The following LASP1 variants were observed in gnomAD, a reference collection of about 807,000 sequenced individuals.
LASP1 encodes LIM and SH3 protein 1.
Under a neutral mutation model 38.6 loss-of-function variants are expected in LASP1, and 10 were observed. The observed-to-expected ratio is 0.26, with a 90% CI of 0.16 to 0.44. The LOEUF (loss-of-function observed/expected upper bound fraction) is 0.44, where lower values mean the gene tolerates loss of function less well. Ranked by LOEUF, LASP1 falls within the 20% of genes least tolerant of loss-of-function variation. The pLI is 1.00. For synonymous variants in LASP1, 132 were observed against 140.8 expected, an observed-to-expected ratio of 0.94 and a Z score of 0.44; for missense variants, 243 against 375.7, an observed-to-expected ratio of 0.65 and a Z score of 2.92.
chr17:38,878,965 C>T (rs545314780), intron 2 of LASP1, among the ~76,000 whole-genome samples: 1 of 151,314 alleles, frequency 6.6e-6, no homozygotes, highest in East Asian at 2.0e-4. Flanking sequence ...TACCTCCCCT[C>T]CCATCCCATC....
At chr17:38,876,343 C>CTATTTATTTATT (rs374232262) in intron 1 of LASP1, among the ~76,000 whole-genome samples, 3 of 148,494 alleles carry the variant, frequency 2.0e-5, no homozygotes, top group African/African-American at 7.6e-5. Flanking sequence ...CATACCCGGC[C>CTATTTATTTATT]TATTTATTTA....
chr17:38,872,359 G>T (rs749424839), intron 1 of LASP1, among the ~76,000 whole-genome samples: 16 of 152,166 alleles, frequency 1.1e-4, no homozygotes, highest in Non-Finnish European at 2.1e-4. Flanking sequence ...GATGGGCAGG[G>T]TGCCCTCCCC....
chr17:38,879,317 A>C (rs1913873414), intron 2 of LASP1, among the ~76,000 whole-genome samples: 1 of 151,432 alleles, frequency 6.6e-6, no homozygotes, highest in South Asian at 2.1e-4. Context: ...TACCATGCCC[A>C]GCTAATTTTT....
chr17:38,908,223 C>A (rs1914826204), intron 4 of LASP1, among the ~76,000 whole-genome samples: 1 of 152,260 alleles, frequency 6.6e-6, no homozygotes, highest in African/African-American at 2.4e-5. Context: ...CCTGTCCATT[C>A]CGTGTCTGCA....
intron 4 of LASP1, chr17:38,903,562 G>C (rs933260028): frequency 1.3e-5 from 2 of 151,926 alleles, no homozygotes; most frequent in African/African-American, 4.8e-5. Flanking sequence ...GTCTTGCTAT[G>C]CTGCCCAGGC....
At chr17:38,889,676 C>T (rs1914249186) in intron 2 of LASP1, among the ~76,000 whole-genome samples, 1 of 152,182 alleles carries the variant, frequency 6.6e-6, no homozygotes, top group Admixed American at 6.5e-5. Flanking sequence ...ATGGTCCCAT[C>T]CCCAAGATGT....
chr17:38,914,399 G>A lies in LASP1; in HGVS notation c.432G>A (p.Arg144=). ...SGGEGMEPER[R]DSQDGSSYRR... is the part of the protein sequence containing the mutation. ...GCGAGGGCATGGAGCCAGAGCGTCG[G>A]GATTCACAGGACGGCAGCAGCTACC... Residue 144 remains arginine (R), a synonymous_variant, in exon 5 of 7, where the codon CGG becomes CGA. Transcript: ENST00000318008. The A allele has an allele frequency of 6.2e-7, 1 of 1,612,076 alleles. No individual in the cohort carries two copies. Among genetic ancestry groups the A allele is most frequent in the South Asian group, 1.1e-5 (1 of 90,994 alleles).
At chr17:38,914,857 T>A (rs1915068332) in intron 5 of LASP1, 186 bp from the exon 6 acceptor site, 1 of 621,124 alleles carries the variant, frequency 1.6e-6, no homozygotes, top group Admixed American at 2.9e-5. Context: ...GTCATGGGGC[T>A]CAGAGCCCCT....
rs375472294 is a variant in LASP1, at chr17:38,903,886, G to C, written c.357+5367G>C. The C allele has an allele frequency of 2.9e-4, 44 of 152,342 alleles. No homozygotes were observed. In the East Asian group the frequency reaches 8.3e-3, roughly 29 times the overall value. 9.4% of individuals were successfully genotyped at this position (152,342 alleles called of 1,614,324 possible). On this transcript the variant is annotated intron_variant, in intron 4 of 6. Transcript: ENST00000318008. ...TGTGTCATCATTAAAGGCATTTGAA[G>C]AGTTGCCTTTTGATGGGTCCATGCT... is the stretch of plus-strand genomic sequence containing the variant.
chr17:38,918,499 C>A lies in LASP1; in HGVS notation c.613-106C>A. ...GCCTGGTGCTCCATTTCTGAGTTCACTGCTCCCCCAGGCTCTGCTCCAGGG... is the reference window on the plus strand; with the variant it reads ...GCCTGGTGCTCCATTTCTGAGTTCAATGCTCCCCCAGGCTCTGCTCCAGGG... On this transcript the variant is annotated intron_variant, in intron 6 of 6. Transcript: ENST00000318008. This position sits in a 1 kb window ranked among gnomAD's most constrained non-coding sequence, Gnocchi z 4.4. 1 of 1,132,972 alleles carries A rather than the reference C, an allele frequency of 8.8e-7. No individual in the cohort carries two copies. Among genetic ancestry groups the A allele is most frequent in the Non-Finnish European group, 1.3e-6 (1 of 796,212 alleles). The allele number at this position is 1,132,972 out of a possible 1,614,324, so 70.2% of individuals were successfully genotyped here. A position where few individuals can be genotyped will look rare whatever the true frequency, so the allele number is the denominator to read the frequency against.
intron 4 of LASP1, among the ~76,000 whole-genome samples, chr17:38,908,697 T>G (rs1030887846): frequency 3.3e-5 from 5 of 152,198 alleles, no homozygotes; most frequent in Non-Finnish European, 7.4e-5. Flanking sequence ...CCCCCCAGAC[T>G]CTGTCCAGGC....
chr17:38,875,906 C>T (rs1913756273), intron 1 of LASP1, among the ~76,000 whole-genome samples: 1 of 152,210 alleles, frequency 6.6e-6, no homozygotes, highest in Admixed American at 6.5e-5. Context: ...CTGGGCCTGC[C>T]TCCTGGCCTC....
At chr17:38,907,987 A>G (rs969131902) in intron 4 of LASP1, among the ~76,000 whole-genome samples, 3 of 152,206 alleles carry the variant, frequency 2.0e-5, no homozygotes, top group Non-Finnish European at 4.4e-5. Context: ...CGGCTCCCCT[A>G]AGGATGAGGC....
intron 6 of LASP1, among the ~76,000 whole-genome samples, chr17:38,917,406 T>G (rs903372880): frequency 6.6e-6 from 1 of 152,188 alleles, no homozygotes; most frequent in Admixed American, 6.5e-5. Flanking sequence ...TTCTTTTTTT[T>G]TTCCTCTTTC....
rs994849419 is a variant in LASP1 at position 38,883,742 on chromosome 17, T to C, written c.164+5562T>C. 4.3e-3 allele frequency among the ~76,000 whole-genome samples: 475 copies of C among 111,592 alleles called. 1 individual carries two copies. The highest frequency in any genetic ancestry group is 6.0e-3 in the Non-Finnish European group (341 of 56,494). The allele number at this position is 111,592 out of a possible 152,430, so 73.2% of individuals were successfully genotyped here. A position where few individuals can be genotyped will look rare whatever the true frequency, so the allele number is the denominator to read the frequency against. On this transcript the variant is annotated intron_variant, in intron 2 of 6. Coordinates refer to ENST00000318008, the MANE Select transcript of LASP1 (RefSeq NM_006148.4). ...CTATATTACCGACAGGGGCAGGCTT[T>C]TTTTTTTTTTTTTTTCTTTTCATTT...
Position 38,898,556 on chromosome 17 carries a change from C to T in LASP1, c.357+37C>T, listed in dbSNP as rs1278610775. Reference sequence around the variant, plus strand: ...CCCTGCCCTGCGGCATCCCTGCTGCCCTCTGTTTGGTCCCCTTCCTGCCAG... The same window carrying T: ...CCCTGCCCTGCGGCATCCCTGCTGCTCTCTGTTTGGTCCCCTTCCTGCCAG... On this transcript the variant is annotated intron_variant, in intron 4 of 6. Coordinates refer to ENST00000318008, the MANE Select transcript of LASP1 (RefSeq NM_006148.4). 3.4e-6 allele frequency: 5 copies of T among 1,450,512 alleles called. No homozygotes were observed. The South Asian group carries it at 3.7e-5, about 11-fold the overall frequency. The allele number at this position is 1,450,512 out of a possible 1,614,324, so 89.9% of individuals were successfully genotyped here.
At chr17:38,897,057 AAG>A in intron 3 of LASP1, 5 of 985,500 alleles carry the variant, frequency 5.1e-6, no homozygotes, top group Non-Finnish European at 6.0e-6. Flanking sequence ...AGGACTGAGG[AAG>A]AGCTGGTGCT....
intron 4 of LASP1, among the ~76,000 whole-genome samples, chr17:38,911,027 G>C (rs1292479505): frequency 6.6e-6 from 1 of 152,118 alleles, no homozygotes; most frequent in Non-Finnish European, 1.5e-5. Flanking sequence ...CCGGCCAGGA[G>C]ACCACATGTT....
chr17:38,872,862 A>T (rs945892835), intron 1 of LASP1, among the ~76,000 whole-genome samples: 1 of 152,118 alleles, frequency 6.6e-6, no homozygotes, highest in Non-Finnish European at 1.5e-5. Context: ...TCACCTCTGA[A>T]GGCCACCCTG....
Sources: gnomAD v4.1 joint callset for allele counts (sites outside exome capture counted in the v4.1 genomes callset) on GRCh38, gnomAD v4.1.1 for gene constraint, Gnocchi (gnomAD v3.1) non-coding constraint, MANE v1.5 for transcripts, NCBI Gene and HGNC (gene_info 2026-07-23, HGNC 2026-07-21) for gene names.